The following GMNN variants were observed in gnomAD, a reference collection of about 807,000 sequenced individuals.
GMNN encodes geminin DNA replication inhibitor.
Under a neutral mutation model 20.9 loss-of-function variants are expected in GMNN, and 14 were observed. That is an observed-to-expected ratio of 0.67 (90% CI 0.44 to 1.05). GMNN has a LOEUF of 1.05. Among genes scored for constraint, GMNN ranks in the 50% least tolerant of loss-of-function variants. GMNN has a pLI of 0.00. For missense variants in GMNN, 227 were observed against 243.8 expected (o/e 0.93, Z 0.46); for synonymous variants, 81 against 85.8 (o/e 0.94, Z 0.31).
intron 1 of GMNN, 186 bp from the exon 2 acceptor site, chr6:24,777,036 T>C (rs1378393088): frequency 2.8e-6 from 1 of 361,260 alleles, no homozygotes; most frequent in Admixed American, 4.7e-5. Context: ...TGTGTGTATA[T>C]ATGTAAAATA....
chr6:24,780,921 T>C lies in GMNN; in HGVS notation c.129+181T>C, dbSNP rs1780195954. On this transcript the variant is annotated intron_variant, in intron 3 of 6. Coordinates refer to ENST00000230056, the MANE Select transcript of GMNN (RefSeq NM_015895.5). ...TTAATTGTTCAATTTAAGAAGTTCG[T>C]CGGGTGCAGTGGCTCACGCCTGTTA... 2.0e-5 allele frequency among the ~76,000 whole-genome samples: 3 copies of C among 152,276 alleles called. No homozygotes were observed. In the South Asian group the frequency reaches 6.2e-4, roughly 32 times the overall value.
chr6:24,784,984 T>C (rs1353549431), intron 6 of GMNN, among the ~76,000 whole-genome samples: 1 of 152,200 alleles, frequency 6.6e-6, no homozygotes, highest in Non-Finnish European at 1.5e-5. Flanking sequence ...TTAATTTTAA[T>C]ACCAGCTTGA....
chr6:24,777,194 G>A, intron 1 of GMNN, 28 bp from the exon 2 acceptor site: 4 of 762,262 alleles, frequency 5.2e-6, no homozygotes, highest in Non-Finnish European at 8.6e-6. Context: ...CTTCGGGGGT[G>A]CAAACCATAT....
At chr6:24,778,231 A>C (rs1358374549) in intron 2 of GMNN, among the ~76,000 whole-genome samples, 1 of 152,204 alleles carries the variant, frequency 6.6e-6, no homozygotes, top group Non-Finnish European at 1.5e-5. Context: ...CCAGGTGCCC[A>C]TGGTGGCTCA....
rs772318000 is a variant in GMNN at position 24,784,579 on chromosome 6, T to C, written c.468+25T>C. ...GGTAGGTAATTTAATAGTTATCTGG[T>C]TCAAATTTATGTATTTTTCTATAAA... On this transcript the variant is annotated intron_variant, in intron 6 of 6. Transcript: ENST00000230056. 5 of 940,250 alleles carry C rather than the reference T, an allele frequency of 5.3e-6. No individual in the cohort carries two copies. The Admixed American group carries it at 9.0e-5, about 17-fold the overall frequency. 58.2% of individuals were successfully genotyped at this position (940,250 alleles called of 1,614,324 possible). A position where few individuals can be genotyped will look rare whatever the true frequency, so the allele number is the denominator to read the frequency against.
rs1052571095 is a variant in GMNN at position 24,775,984 on chromosome 6, A to T, written c.-26+740A>T. Among the ~76,000 whole-genome samples, 19 of 152,238 alleles carry T rather than the reference A, an allele frequency of 1.2e-4. 1 individual carries two copies. Among genetic ancestry groups the T allele is most frequent in the Admixed American group, 7.2e-4 (11 of 15,284 alleles). ...TTCGAGATCACGGCCCGCGACCCGC[A>T]GTTTGAAGAACATTGCGTAGGGTCT... is the stretch of plus-strand genomic sequence containing the variant. On this transcript the variant is annotated intron_variant, in intron 1 of 6. Transcript: ENST00000230056.
chr6:24,778,142 T>C (rs529227186), intron 2 of GMNN, among the ~76,000 whole-genome samples: 5 of 152,312 alleles, frequency 3.3e-5, no homozygotes, highest in South Asian at 2.1e-4. Context: ...TCCACACAAC[T>C]TAAATTATAT....
rs1160997317 is a variant in GMNN, at chr6:24,785,779, G to A, written c.610G>A (p.Asp204Asn). 1 of 1,580,796 alleles carries A rather than the reference G, an allele frequency of 6.3e-7. No homozygotes were observed. Among genetic ancestry groups the A allele is most frequent in the Non-Finnish European group, 8.6e-7 (1 of 1,165,308 alleles). ...CAEGTVSSSTDAKPCI is the reference protein window; with the variant it reads ...CAEGTVSSSTNAKPCI ...TGAAGGAACTGTATCTTCCTCTACGGATGCAAAGCCATGTATATGAAATGC... is the reference window on the plus strand; with the variant it reads ...TGAAGGAACTGTATCTTCCTCTACGAATGCAAAGCCATGTATATGAAATGC... The change falls in exon 7 of 7, where the codon GAT (aspartate) becomes AAT (asparagine). Residue 204 changes from aspartate to asparagine, a missense_variant. Asp to Asn is a conservative substitution (Grantham distance 23). Coordinates refer to ENST00000230056, the MANE Select transcript of GMNN (RefSeq NM_015895.5).
chr6:24,781,340 G>A (rs1780211608), intron 3 of GMNN, 137 bp from the exon 4 acceptor site: 4 of 462,946 alleles, frequency 8.6e-6, no homozygotes, highest in Non-Finnish European at 1.5e-5. Context: ...ATTTTTAATT[G>A]TATAACTTTT....
intron 4 of GMNN, among the ~76,000 whole-genome samples, chr6:24,782,104 A>AGG (rs1250636446): frequency 1.3e-5 from 2 of 152,068 alleles, no homozygotes; most frequent in African/African-American, 2.4e-5. Flanking sequence ...AAAAAAGGGT[A>AGG]GGGGGAAAGG....
rs765975961 is a variant in GMNN, at chr6:24,785,632, T to C, written c.469-6T>C. 4.2e-6 allele frequency: 6 copies of C among 1,420,198 alleles called. No individual in the cohort carries two copies. Among genetic ancestry groups the C allele is most frequent in the Middle Eastern group, 1.8e-4 (1 of 5,668 alleles). The allele number at this position is 1,420,198 out of a possible 1,614,324, so 88.0% of individuals were successfully genotyped here. A position where few individuals can be genotyped will look rare whatever the true frequency, so the allele number is the denominator to read the frequency against. ...TACAATAAATTATTGGTTTATTCTT[T>C]AAAAGAGACTGAATGGTGAACCTCT... On this transcript the variant is annotated splice_polypyrimidine_tract_variant and splice_region_variant and intron_variant, in intron 6 of 6. Transcript: ENST00000230056.
intron 4 of GMNN, among the ~76,000 whole-genome samples, chr6:24,782,315 TATA>T (rs1477227049): frequency 6.6e-6 from 1 of 152,168 alleles, no homozygotes; most frequent in Non-Finnish European, 1.5e-5. Flanking sequence ...GAATTATGCC[TATA>T]ATAAGTACTA....
At chr6:24,779,864 A>G (rs1015325912) in intron 2 of GMNN, among the ~76,000 whole-genome samples, 3 of 152,218 alleles carry the variant, frequency 2.0e-5, no homozygotes, top group Non-Finnish European at 2.9e-5. Flanking sequence ...GTATTTTAGT[A>G]TGCCTCAGGC....
At chr6:24,784,724 C>T (rs373884784) in intron 6 of GMNN, among the ~76,000 whole-genome samples, 170 bp downstream of exon 6, 6 of 152,016 alleles carry the variant, frequency 3.9e-5, no homozygotes, top group East Asian at 1.9e-4. Context: ...TGGGTTTATC[C>T]GGTCAGGGCT....
chr6:24,780,404 A>G (rs370489342), intron 2 of GMNN, among the ~76,000 whole-genome samples: 18 of 152,346 alleles, frequency 1.2e-4, no homozygotes, highest in East Asian at 7.7e-4. Context: ...AGTTTGGGTA[A>G]TATGATTCAT....
Position 24,780,757 on chromosome 6 carries a change from T to TA in GMNN, c.129+21dup. ...GAAAATGAGGTATGCACTATATGGC[T>TA]AAAATGGGGTACTGGTGATACAGTG... On this transcript the variant is annotated intron_variant, in intron 3 of 6. Coordinates refer to ENST00000230056, the MANE Select transcript of GMNN (RefSeq NM_015895.5). The TA allele has an allele frequency of 8.3e-7, 1 of 1,202,330 alleles. No individual in the cohort carries two copies. Among genetic ancestry groups the TA allele is most frequent in the Non-Finnish European group, 1.2e-6 (1 of 803,524 alleles). 74.5% of individuals were successfully genotyped at this position (1,202,330 alleles called of 1,614,324 possible).
At position 24,785,740 on chromosome 6, in the gene GMNN, A is replaced by G; in HGVS notation, c.571A>G (p.Ile191Val). The G allele has an allele frequency of 6.3e-7, 1 of 1,589,400 alleles. No individual in the cohort carries two copies. Among genetic ancestry groups the G allele is most frequent in the Non-Finnish European group, 8.6e-7 (1 of 1,163,340 alleles). ...GGATTCTCTAGTGGAAGACTCAGAA[A>G]TTGGCACGTGTGCTGAAGGAACTGT... ...VEDSLVEDSE[I>V]GTCAEGTVSS... The change falls in exon 7 of 7, where the codon ATT becomes GTT. Residue 191 changes from isoleucine (I) to valine (V), a missense_variant. Coordinates refer to ENST00000230056, the MANE Select transcript of GMNN (RefSeq NM_015895.5).
intron 4 of GMNN, among the ~76,000 whole-genome samples, chr6:24,783,467 G>T (rs533936077): frequency 3.1e-4 from 47 of 152,200 alleles, no homozygotes; most frequent in Non-Finnish European, 4.9e-4. Flanking sequence ...TAGGTAAAAA[G>T]TTGTTGGAGG....
Position 24,777,283 on chromosome 6 carries a change from A to G in GMNN, c.37A>G (p.Lys13Glu). The G allele has an allele frequency of 7.4e-7, 1 of 1,359,196 alleles. No homozygotes were observed. The highest frequency in any genetic ancestry group is 1.0e-6 in the Non-Finnish European group (1 of 976,578). 84.2% of individuals were successfully genotyped at this position (1,359,196 alleles called of 1,614,324 possible). A position where few individuals can be genotyped will look rare whatever the true frequency, so the allele number is the denominator to read the frequency against. ...TATGAAGCAGAAACAAGAAGAAATC[A>G]AAGAGAATATAAAGGTATGTGATTG... The part of the protein sequence containing the change: ...PSMKQKQEEI[K>E]ENIKNSSVPR... The change falls in exon 2 of 7, where the codon AAA becomes GAA. Residue 13 changes from lysine (K) to glutamate (E), a missense_variant. Lys to Glu is a moderately conservative substitution (Grantham distance 56, BLOSUM62 1). Transcript: ENST00000230056.
Sources: allele counts gnomAD v4.1 joint callset (sites outside exome capture counted in the v4.1 genomes callset), GRCh38; gene constraint gnomAD v4.1.1; transcripts MANE v1.5; gene names NCBI Gene and HGNC (gene_info 2026-07-23, HGNC 2026-07-21).